The following MTRF1 variants were observed in gnomAD, a reference collection of about 807,000 sequenced individuals.
MTRF1 encodes the protein mitochondrial translation release factor 1, also known as peptide chain release factor 1, mitochondrial.
A neutral mutation model predicts 62.9 loss-of-function variants in MTRF1; 51 were observed. That is an observed-to-expected ratio of 0.81 (90% confidence interval 0.65 to 1.02). The LOEUF (loss-of-function observed/expected upper bound fraction) is 1.02. MTRF1 is among the 50% of genes least tolerant of loss of function. The pLI is 0.00. For missense variants in MTRF1, 446 were observed against 530.0 expected (o/e 0.84, Z 1.56); for synonymous variants, 158 against 181.9 (o/e 0.87, Z 1.06).
intron 3 of MTRF1, among the ~76,000 whole-genome samples, chr13:41,253,839 A>G (rs1345766216): frequency 6.6e-6 from 1 of 152,176 alleles, no homozygotes; most frequent in East Asian, 1.9e-4. Context: ...CTCCCCCTTA[A>G]CTTTTCAAAA....
At chr13:41,238,391 T>A (rs2037011883) in intron 6 of MTRF1, among the ~76,000 whole-genome samples, 2 of 152,144 alleles carry the variant, frequency 1.3e-5, no homozygotes, top group South Asian at 4.1e-4. Flanking sequence ...AAAACATGAA[T>A]CCATGAGTCT....
chr13:41,290,913 A>T, the MTRF1 span, among the ~76,000 whole-genome samples: 1 of 149,642 alleles, frequency 6.7e-6, no homozygotes, highest in African/African-American at 2.4e-5. Flanking sequence ...ACCAACATGG[A>T]GAAACCCCGT....
Position 41,219,673 on chromosome 13 carries a change from A to T in MTRF1, c.1225-2445T>A, listed in dbSNP as rs568414817. 6.6e-5 allele frequency among the ~76,000 whole-genome samples: 10 copies of T among 152,332 alleles called. No individual in the cohort carries two copies. In the South Asian group the frequency reaches 2.1e-3, roughly 32 times the overall value. ...TACAAAGAGAATAGTATTTTCCCGA[A>T]TAGAAATGAGCTGGGCATTTCCATC... On this transcript the variant is annotated intron_variant, in intron 9 of 9. Coordinates refer to ENST00000379480, the MANE Select transcript of MTRF1 (RefSeq NM_004294.4).
intron 7 of MTRF1, among the ~76,000 whole-genome samples, chr13:41,230,873 C>T (rs1386608310): frequency 6.6e-6 from 1 of 152,060 alleles, no homozygotes; most frequent in African/African-American, 2.4e-5. Flanking sequence ...CAGGCATACA[C>T]TACTACACCC....
chr13:41,279,177 AT>A, the MTRF1 span, among the ~76,000 whole-genome samples: 2 of 151,894 alleles, frequency 1.3e-5, no homozygotes, highest in African/African-American at 4.8e-5. Context: ...TTTAGTAGAG[AT>A]GGGGTTTCAC....
chr13:41,290,921 C>T, the MTRF1 span, among the ~76,000 whole-genome samples: 1 of 149,768 alleles, frequency 6.7e-6, no homozygotes. Flanking sequence ...GGAGAAACCC[C>T]GTCTCTACTA....
At chr13:41,245,668 A>C (rs866848370) in intron 5 of MTRF1, among the ~76,000 whole-genome samples, 3 of 152,170 alleles carry the variant, frequency 2.0e-5, no homozygotes, top group Admixed American at 6.5e-5. Flanking sequence ...GTGTCTCATA[A>C]AACTTTGTAT....
chr13:41,263,003 A>G (rs2040642192), intron 1 of MTRF1, among the ~76,000 whole-genome samples: 1 of 152,212 alleles, frequency 6.6e-6, no homozygotes, highest in Non-Finnish European at 1.5e-5. Flanking sequence ...ACTGCATCAC[A>G]TTATTAAAAG....
chr13:41,217,783 T>A (rs1356323516), intron 9 of MTRF1, among the ~76,000 whole-genome samples: 1 of 152,264 alleles, frequency 6.6e-6, no homozygotes, highest in African/African-American at 2.4e-5. Context: ...CCAACTCCTC[T>A]GGATCTGACT....
At chr13:41,255,360 G>A (rs1291409536) in intron 2 of MTRF1, among the ~76,000 whole-genome samples, 1 of 152,076 alleles carries the variant, frequency 6.6e-6, no homozygotes, top group East Asian at 1.9e-4. Context: ...GAGATTACAG[G>A]TGCGTGCCAC....
the MTRF1 span, among the ~76,000 whole-genome samples, chr13:41,310,793 C>T: frequency 6.6e-6 from 1 of 152,182 alleles, no homozygotes. Context: ...GTTCATCTTT[C>T]ATCAAAAGTC....
At chr13:41,284,447 C>T in the MTRF1 span, among the ~76,000 whole-genome samples, 1 of 149,008 alleles carries the variant, frequency 6.7e-6, no homozygotes, top group East Asian at 2.0e-4. Flanking sequence ...TGCACTCTAG[C>T]TTGGGTGACA....
the MTRF1 span, among the ~76,000 whole-genome samples, chr13:41,295,888 C>T: frequency 6.6e-6 from 1 of 152,180 alleles, no homozygotes; most frequent in Non-Finnish European, 1.5e-5. Flanking sequence ...ATCCTCCCAC[C>T]TCAGCCTCCT....
At chr13:41,306,367 G>A in the MTRF1 span, among the ~76,000 whole-genome samples, 1 of 151,502 alleles carries the variant, frequency 6.6e-6, no homozygotes, top group Admixed American at 6.6e-5. Context: ...CTGGGACACG[G>A]AGTGAGACTC....
intron 5 of MTRF1, among the ~76,000 whole-genome samples, chr13:41,240,828 A>G (rs1211719643): frequency 6.6e-6 from 1 of 152,200 alleles, no homozygotes; most frequent in African/African-American, 2.4e-5. Flanking sequence ...GAACAAAAAA[A>G]TAATACTGGG....
intron 7 of MTRF1, among the ~76,000 whole-genome samples, chr13:41,229,968 G>A (rs958528420): frequency 2.5e-4 from 38 of 152,022 alleles, no homozygotes; most frequent in African/African-American, 8.7e-4. Flanking sequence ...AGGTGTGGTG[G>A]TGCACACCCA....
Position 41,252,989 on chromosome 13 carries a change from A to C in MTRF1, c.549T>G (p.Asn183Lys), listed in dbSNP as rs1307952641. Reference sequence around the variant, plus strand: ...CAGCTGTCACCTCTAAAATAACATCATTTTTGTCATATTTCTCCTTTGGCA... The same window carrying C: ...CAGCTGTCACCTCTAAAATAACATCCTTTTTGTCATATTTCTCCTTTGGCA... ...SLVPKEKYDKNDVILEVTAGR... is the reference protein window; with the variant it reads ...SLVPKEKYDKKDVILEVTAGR... Residue 183 changes from asparagine (N) to lysine (K), a missense_variant, in exon 4 of 10, where the codon AAT becomes AAG. Physicochemically the swap from Asn to Lys is moderately conservative, Grantham distance 94. Coordinates refer to ENST00000379480, the MANE Select transcript of MTRF1 (RefSeq NM_004294.4). The C allele has an allele frequency of 6.2e-7, 1 of 1,608,290 alleles. No homozygotes were observed. The highest frequency in any genetic ancestry group is 1.1e-5 in the South Asian group (1 of 89,374).
In MTRF1 at chr13:41,252,763, A is replaced by C. The variant is rs752673733; in HGVS notation, c.590-11T>G. Reference sequence around the variant, plus strand: ...GTTGGCAGATGTCACCTAAAACAAAATACGAAAAATATTTAGTCAGGACAA... The same window carrying C: ...GTTGGCAGATGTCACCTAAAACAAACTACGAAAAATATTTAGTCAGGACAA... On this transcript the variant is annotated splice_polypyrimidine_tract_variant and intron_variant, in intron 4 of 9. Transcript: ENST00000379480. 3.7e-6 allele frequency: 6 copies of C among 1,609,072 alleles called. No individual in the cohort carries two copies. The East Asian group carries it at 1.3e-4, about 36-fold the overall frequency.
the MTRF1 span, chr13:41,288,321 C>T: frequency 3.8e-6 from 1 of 265,482 alleles, no homozygotes; most frequent in Non-Finnish European, 7.5e-6. Flanking sequence ...TGGCTTGCAC[C>T]TGGGTCACTC....
Sources: allele counts gnomAD v4.1 joint callset (sites outside exome capture counted in the v4.1 genomes callset), GRCh38; gene constraint gnomAD v4.1.1; transcripts MANE v1.5; gene names NCBI Gene and HGNC (gene_info 2026-07-23, HGNC 2026-07-21).